KCNQ5: variants seen among roughly 807,000 people sequenced by gnomAD.
KCNQ5 encodes potassium voltage-gated channel subfamily KQT member 5.
Under a neutral mutation model 98.2 loss-of-function variants are expected in KCNQ5, and 30 were observed. That is an observed-to-expected ratio of 0.31 (90% CI 0.23 to 0.41). KCNQ5 has a LOEUF of 0.41. Ranked by LOEUF, KCNQ5 falls within the 10% of genes least tolerant of loss-of-function variation. The probability of loss-of-function intolerance (pLI) is 1.00; values close to 1 mark genes in which losing one functional copy is unlikely to be tolerated. For synonymous variants in KCNQ5, 458 were observed against 449.4 expected, an observed-to-expected ratio of 1.02 and a Z score of -0.24; for missense variants, 835 against 1,182.5, an observed-to-expected ratio of 0.71 and a Z score of 4.31.
intron 1 of KCNQ5, among the ~76,000 whole-genome samples, chr6:72,949,002 A>C (rs1475991601): frequency 6.6e-6 from 1 of 152,204 alleles, no homozygotes; most frequent in Non-Finnish European, 1.5e-5. Context: ...TTGGATCAAA[A>C]TCAAAGTAGT....
intron 1 of KCNQ5, among the ~76,000 whole-genome samples, chr6:72,646,527 A>G (rs1336774259): frequency 6.6e-6 from 1 of 152,188 alleles, no homozygotes; most frequent in Non-Finnish European, 1.5e-5. Context: ...AAAAAAAAGC[A>G]TATGGTTATC....
chr6:73,053,099 A>G (rs952746575), intron 3 of KCNQ5, among the ~76,000 whole-genome samples: 1 of 152,240 alleles, frequency 6.6e-6, no homozygotes, highest in African/African-American at 2.4e-5. Context: ...TTGCTATTCT[A>G]CATTCAAACA....
chr6:72,995,400 A>C (rs1313390763), intron 1 of KCNQ5, among the ~76,000 whole-genome samples: 1 of 151,918 alleles, frequency 6.6e-6, no homozygotes, highest in Non-Finnish European at 1.5e-5. Context: ...AAGAACAACT[A>C]TCATTCCTAG....
chr6:72,770,441 G>A (rs1772804716), intron 1 of KCNQ5, among the ~76,000 whole-genome samples: 1 of 151,964 alleles, frequency 6.6e-6, no homozygotes, highest in Admixed American at 6.6e-5. Context: ...AAAATATAAT[G>A]AAACAAAATA....
In KCNQ5 at chr6:73,125,940, G is replaced by A. The variant is rs540716957; in HGVS notation, c.1247+1428G>A. 5.9e-5 allele frequency among the ~76,000 whole-genome samples: 9 copies of A among 152,304 alleles called. No individual in the cohort carries two copies. The East Asian group carries it at 7.7e-4, about 13-fold the overall frequency. On this transcript the variant is annotated intron_variant, in intron 9 of 13. Transcript: ENST00000370398. ...CGTTTTTGACCAAAGAGAGGTTCTA[G>A]TCATTAGATTCGGAATAGTCTTTGC...
At chr6:72,918,843 G>A (rs1780274306) in intron 1 of KCNQ5, among the ~76,000 whole-genome samples, 1 of 152,162 alleles carries the variant, frequency 6.6e-6, no homozygotes. Flanking sequence ...TAAACAAGCA[G>A]CAATTATTGA....
At chr6:72,913,798 A>G (rs1196320223) in intron 1 of KCNQ5, among the ~76,000 whole-genome samples, 1 of 152,232 alleles carries the variant, frequency 6.6e-6, no homozygotes, top group Non-Finnish European at 1.5e-5. Flanking sequence ...TTTTCATGAC[A>G]TGAGAGCCTT....
rs576666918 is a variant in KCNQ5, at chr6:72,969,530, T to C, written c.399-34378T>C. Among the ~76,000 whole-genome samples the C allele has an allele frequency of 7.2e-5, 11 of 152,270 alleles. No homozygotes were observed. The South Asian group carries it at 2.3e-3, about 32-fold the overall frequency. The stretch of plus-strand genomic sequence containing the variant: ...AATTGTGTTGGGATGGTATTTTCAC[T>C]CTTGTAACATTCCCAACTTGTATCA... On this transcript the variant is annotated intron_variant, in intron 1 of 13. Transcript: ENST00000370398.
intron 1 of KCNQ5, among the ~76,000 whole-genome samples, chr6:72,680,521 AATG>A (rs1055064382): frequency 5.4e-4 from 82 of 152,308 alleles, no homozygotes; most frequent in African/African-American, 1.6e-3. Context: ...CCAACTGGAG[AATG>A]ATAACACTCT....
intron 1 of KCNQ5, among the ~76,000 whole-genome samples, chr6:72,650,325 A>G (rs1315760361): frequency 6.6e-6 from 1 of 152,128 alleles, no homozygotes; most frequent in Non-Finnish European, 1.5e-5. Flanking sequence ...TGGTTATATC[A>G]CATTTTAGAC....
chr6:72,910,030 C>T (rs1372333520), intron 1 of KCNQ5, among the ~76,000 whole-genome samples: 1 of 152,172 alleles, frequency 6.6e-6, no homozygotes, highest in Non-Finnish European at 1.5e-5. Context: ...AAAATGAAGT[C>T]ATCCCTTTAT....
At chr6:73,146,655 C>CAAAAAAAAAAAAAAAAA (rs1776939013) in intron 10 of KCNQ5, among the ~76,000 whole-genome samples, 1 of 107,640 alleles carries the variant, frequency 9.3e-6, no homozygotes, top group African/African-American at 5.0e-5. Flanking sequence ...AAAAAAAAAG[C>CAAAAAAAAAAAAAAAAA]AATTCATTGA....
chr6:73,005,497 A>G (rs17806955), intron 2 of KCNQ5, among the ~76,000 whole-genome samples: 9,502 of 152,286 alleles, frequency 0.062, 461 homozygotes, highest in East Asian at 0.18. Flanking sequence ...CAGGTCAAAA[A>G]TCCAAAATGT....
At chr6:72,767,151 G>A (rs866923337) in intron 1 of KCNQ5, among the ~76,000 whole-genome samples, 1 of 151,962 alleles carries the variant, frequency 6.6e-6, no homozygotes, top group South Asian at 2.1e-4. Flanking sequence ...TGTAGGAAAG[G>A]AATGAAGAGT....
At chr6:72,856,851 C>A (rs1777554162) in intron 1 of KCNQ5, among the ~76,000 whole-genome samples, 1 of 152,198 alleles carries the variant, frequency 6.6e-6, no homozygotes, top group South Asian at 2.1e-4. Flanking sequence ...GCTGCACACA[C>A]CCCAGGTTGT....
At position 72,965,637 on chromosome 6, in the gene KCNQ5, A is replaced by C. The variant is rs183619521; in HGVS notation, c.399-38271A>C. Reference sequence around the variant, plus strand: ...TATCCACTGACCCACAGCATCAAACAATTTAGAGGAGAAAAGTGGTCCTGT... The same window carrying C: ...TATCCACTGACCCACAGCATCAAACCATTTAGAGGAGAAAAGTGGTCCTGT... On this transcript the variant is annotated intron_variant, in intron 1 of 13. Coordinates refer to ENST00000370398, the MANE Select transcript of KCNQ5 (RefSeq NM_019842.4). Among the ~76,000 whole-genome samples, 17 of 152,292 alleles carry C rather than the reference A, an allele frequency of 1.1e-4. No homozygotes were observed. In the East Asian group the frequency reaches 3.3e-3, roughly 29 times the overall value.
intron 1 of KCNQ5, among the ~76,000 whole-genome samples, chr6:72,971,509 G>T (rs1767896905): frequency 1.3e-5 from 2 of 152,158 alleles, no homozygotes; most frequent in African/African-American, 2.4e-5. Context: ...TATACCCAAA[G>T]GATTATAAAT....
In KCNQ5 at chr6:72,720,994, A is replaced by G. The variant is rs78993775; in HGVS notation, c.398+98407A>G. Among the ~76,000 whole-genome samples the G allele has an allele frequency of 2.2e-4, 34 of 152,328 alleles. No homozygotes were observed. The East Asian group carries it at 6.4e-3, about 29-fold the overall frequency. On this transcript the variant is annotated intron_variant, in intron 1 of 13. Coordinates refer to ENST00000370398, the MANE Select transcript of KCNQ5 (RefSeq NM_019842.4). ...CTTGGAAGACAAAGCAGCAAAGTCA[A>G]AAATGTATGAATTTAGAAGCCAGAC... is the stretch of plus-strand genomic sequence containing the variant.
At chr6:72,753,195 T>C (rs1322244519) in intron 1 of KCNQ5, among the ~76,000 whole-genome samples, 1 of 152,138 alleles carries the variant, frequency 6.6e-6, no homozygotes. Flanking sequence ...ATAACAGGAA[T>C]CATACAGTAT....
Sources: gnomAD v4.1 joint callset for allele counts (sites outside exome capture counted in the v4.1 genomes callset) on GRCh38, gnomAD v4.1.1 for gene constraint, MANE v1.5 for transcripts, NCBI Gene and HGNC (gene_info 2026-07-23, HGNC 2026-07-21) for gene names.